RGS10: variants seen among roughly 807,000 people sequenced by gnomAD.
The protein encoded by RGS10 is regulator of G-protein signalling 10.
In RGS10, 11 loss-of-function variants were observed where a neutral mutation model predicts 23.5. The ratio of observed to expected loss-of-function variants is 0.47; its 90% CI spans 0.29 to 0.77. RGS10 has a LOEUF of 0.77. Among genes scored for constraint, RGS10 ranks in the 30% least tolerant of loss-of-function variants. The probability of loss-of-function intolerance (pLI) is 0.08; values close to 1 mark genes in which losing one functional copy is unlikely to be tolerated. For synonymous variants in RGS10, 77 were observed against 83.2 expected (o/e 0.92, Z 0.41); for missense variants, 180 against 226.3 (o/e 0.80, Z 1.31).
At chr10:119,504,365 G>C (rs974657062) in intron 4 of RGS10, among the ~76,000 whole-genome samples, 2 of 152,070 alleles carry the variant, frequency 1.3e-5, no homozygotes, top group Non-Finnish European at 2.9e-5. Context: ...AAGTAGAGAC[G>C]GGGTTTCACC....
chr10:119,513,258 G>A (rs1378338568), intron 4 of RGS10, among the ~76,000 whole-genome samples: 1 of 152,068 alleles, frequency 6.6e-6, no homozygotes, highest in Non-Finnish European at 1.5e-5. Context: ...AGGAGTTCAA[G>A]AATAGCCTGG....
chr10:119,508,884 C>T (rs1446343744), intron 4 of RGS10, among the ~76,000 whole-genome samples: 2 of 152,098 alleles, frequency 1.3e-5, no homozygotes, highest in Non-Finnish European at 2.9e-5. Context: ...ATTGCTTGAG[C>T]CCAGGAGTTC....
At chr10:119,513,781 C>T (rs755092373) in intron 4 of RGS10, among the ~76,000 whole-genome samples, 2 of 152,172 alleles carry the variant, frequency 1.3e-5, no homozygotes, top group Non-Finnish European at 2.9e-5. Flanking sequence ...CTCCAGGGGC[C>T]TCACCGAGCT....
Position 119,500,116 on chromosome 10 carries a change from T to A in RGS10, c.543A>T (p.Thr181=). The A allele has an allele frequency of 1.1e-5, 17 of 1,613,226 alleles. No homozygotes were observed. Among genetic ancestry groups the A allele is most frequent in the Non-Finnish European group, 1.4e-5 (17 of 1,179,820 alleles). ...CCAGTCCCGGCTTTTTGGGGGCTCATGTGTTATAAATTCTGGAAGCTCTTT... is the reference window on the plus strand; with the variant it reads ...CCAGTCCCGGCTTTTTGGGGGCTCAAGTGTTATAAATTCTGGAAGCTCTTT... ...AAKRASRIYN[T] is the part of the protein sequence containing the mutation. The change falls in exon 5 of 5, where the codon ACA becomes ACT. Residue 181 remains threonine (T), a synonymous_variant. Coordinates refer to ENST00000369103, the MANE Select transcript of RGS10 (RefSeq NM_001005339.2).
rs1844042832 is a variant in RGS10, at chr10:119,508,655, G to A, written c.399+6854C>T. 2.0e-5 allele frequency among the ~76,000 whole-genome samples: 3 copies of A among 152,200 alleles called. No individual in the cohort carries two copies. The South Asian group carries it at 6.2e-4, about 32-fold the overall frequency. On this transcript the variant is annotated intron_variant, in intron 4 of 4. Transcript: ENST00000369103. ...TCAATGTTTGAGTACAGCCTGAAAGGACCAATAACGTCATCGATTTCCTGC... is the reference window on the plus strand; with the variant it reads ...TCAATGTTTGAGTACAGCCTGAAAGAACCAATAACGTCATCGATTTCCTGC...
At chr10:119,513,669 A>G (rs2991783) in intron 4 of RGS10, among the ~76,000 whole-genome samples, 2,445 of 152,208 alleles carry the variant, frequency 0.016, 70 homozygotes, top group African/African-American at 0.055. Flanking sequence ...CTGCAGTGCT[A>G]CCGCATGGAG....
chr10:119,517,801 G>A lies in RGS10; in HGVS notation c.256-2149C>T, dbSNP rs761910397. Among the ~76,000 whole-genome samples the A allele has an allele frequency of 1.3e-5, 2 of 152,212 alleles. No homozygotes were observed. The highest frequency in any genetic ancestry group is 1.9e-4 in the East Asian group (1 of 5,194). On this transcript the variant is annotated intron_variant, in intron 3 of 4. Transcript: ENST00000369103. This position sits in a 1 kb window ranked among gnomAD's most constrained non-coding sequence, Gnocchi z 5.0. ...TCTTTGAGGTGGGGCAGAAGAGGCCGGGGGAGAGGAAGTAGGTTCCAGTGA... is the reference window on the plus strand; with the variant it reads ...TCTTTGAGGTGGGGCAGAAGAGGCCAGGGGAGAGGAAGTAGGTTCCAGTGA...
intron 3 of RGS10, 118 bp from the exon 4 acceptor site, chr10:119,515,770 C>G (rs1050649058): frequency 6.3e-6 from 8 of 1,261,324 alleles, no homozygotes; most frequent in Non-Finnish European, 7.6e-6. Context: ...AGGCACCCCC[C>G]ACAGCCCAGG....
chr10:119,514,477 G>A (rs1208136081), intron 4 of RGS10, among the ~76,000 whole-genome samples: 1 of 152,060 alleles, frequency 6.6e-6, no homozygotes, highest in Non-Finnish European at 1.5e-5. Flanking sequence ...AGTCAACATG[G>A]TGAAACCCTG....
intron 3 of RGS10, among the ~76,000 whole-genome samples, chr10:119,519,359 G>C (rs1844183644): frequency 9.5e-6 from 1 of 105,070 alleles, no homozygotes; most frequent in Non-Finnish European, 1.7e-5. Flanking sequence ...CCCTGTATCT[G>C]TCCCCCAGCT....
At chr10:119,504,428 G>A (rs919688856) in intron 4 of RGS10, among the ~76,000 whole-genome samples, 12 of 152,118 alleles carry the variant, frequency 7.9e-5, no homozygotes, top group Non-Finnish European at 1.6e-4. Flanking sequence ...CACCCTCCTA[G>A]GCCTCCCAAA....
intron 3 of RGS10, among the ~76,000 whole-genome samples, chr10:119,516,062 G>A (rs1245356979): frequency 6.6e-6 from 1 of 152,100 alleles, no homozygotes; most frequent in Admixed American, 6.6e-5. Flanking sequence ...GAGCAGCCTG[G>A]CCAACATGGT....
At chr10:119,501,792 T>G (rs1843956462) in intron 4 of RGS10, among the ~76,000 whole-genome samples, 1 of 152,060 alleles carries the variant, frequency 6.6e-6, no homozygotes, top group African/African-American at 2.4e-5. Context: ...ACTCAGAACA[T>G]CTGCTTGGAG....
chr10:119,522,390 G>A (rs1479928553), intron 3 of RGS10, among the ~76,000 whole-genome samples: 3 of 152,180 alleles, frequency 2.0e-5, no homozygotes, highest in Non-Finnish European at 4.4e-5. Context: ...AAGTTTGACT[G>A]TGAAATCCAG....
Position 119,500,055 on chromosome 10 carries a change from G to T in RGS10, c.*58C>A. 1 of 1,567,196 alleles carries T rather than the reference G, an allele frequency of 6.4e-7. No individual in the cohort carries two copies. Among genetic ancestry groups the T allele is most frequent in the Non-Finnish European group, 8.7e-7 (1 of 1,152,282 alleles). On this transcript the variant is annotated 3_prime_UTR_variant, in exon 5 of 5. Coordinates refer to ENST00000369103, the MANE Select transcript of RGS10 (RefSeq NM_001005339.2). The stretch of plus-strand genomic sequence containing the variant: ...AACAAAGCAATGATAAACCCGGCAC[G>T]GTCCTGAGAGGAAATTCCTTTGCTT...
chr10:119,520,505 C>CA (rs1844200285), intron 3 of RGS10, among the ~76,000 whole-genome samples: 1 of 152,128 alleles, frequency 6.6e-6, no homozygotes, highest in Admixed American at 6.6e-5. Flanking sequence ...CCGCCACCTT[C>CA]AACAGAAGAG....
intron 1 of RGS10, among the ~76,000 whole-genome samples, chr10:119,541,756 T>C (rs1412223241): frequency 6.6e-6 from 1 of 152,172 alleles, no homozygotes; most frequent in Non-Finnish European, 1.5e-5. Flanking sequence ...TGGGGCAAGT[T>C]ACCTAACAGC....
chr10:119,514,657 TAAAAA>T (rs59322683), intron 4 of RGS10, among the ~76,000 whole-genome samples: 1 of 141,782 alleles, frequency 7.1e-6, no homozygotes, highest in Admixed American at 7.0e-5. Context: ...GACTCGGTAT[TAAAAA>T]AAAAAAAAAA....
intron 3 of RGS10, among the ~76,000 whole-genome samples, chr10:119,520,198 G>A (rs950338266): frequency 6.6e-6 from 1 of 152,216 alleles, no homozygotes; most frequent in African/African-American, 2.4e-5. Flanking sequence ...TTCAGAAAGA[G>A]AATGAGGCAA....
Sources: gnomAD v4.1 joint callset for allele counts (sites outside exome capture counted in the v4.1 genomes callset) on GRCh38, gnomAD v4.1.1 for gene constraint, Gnocchi (gnomAD v3.1) non-coding constraint, MANE v1.5 for transcripts, NCBI Gene and HGNC (gene_info 2026-07-23, HGNC 2026-07-21) for gene names.